Variants in CMPK2 observed in about 807,000 individuals in gnomAD.
The protein encoded by CMPK2 is cytidine/uridine monophosphate kinase 2.
Under a neutral mutation model 33.4 loss-of-function variants are expected in CMPK2, and 32 were observed. That is an observed-to-expected ratio of 0.96 (90% confidence interval 0.72 to 1.29). The LOEUF (loss-of-function observed/expected upper bound fraction) is 1.29. Among genes scored for constraint, CMPK2 ranks in the 50% most tolerant of loss-of-function variants. The pLI, the probability that CMPK2 is intolerant of heterozygous loss-of-function variation, is 0.00. For synonymous variants in CMPK2, 299 were observed against 275.3 expected, an observed-to-expected ratio of 1.09 and a Z score of -0.85; for missense variants, 672 against 616.0, an observed-to-expected ratio of 1.09 and a Z score of -0.96.
intron 3 of CMPK2, among the ~76,000 whole-genome samples, chr2:6,853,246 G>A (rs529300486): frequency 7.2e-5 from 11 of 152,148 alleles, no homozygotes; most frequent in African/African-American, 1.4e-4. Flanking sequence ...TACCATGCCC[G>A]GCCCAATTCT....
chr2:6,855,320 T>TCTGCCC (rs754999091), intron 3 of CMPK2, among the ~76,000 whole-genome samples: 9 of 92,088 alleles, frequency 9.8e-5, no homozygotes, highest in South Asian at 3.9e-4. Flanking sequence ...CGCCTCTGCC[T>TCTGCCC]CTGCCCCTGC....
chr2:6,851,049 AT>A, intron 4 of CMPK2: 2 of 1,042,770 alleles, frequency 1.9e-6, no homozygotes, highest in Middle Eastern at 4.7e-4. Flanking sequence ...CCTCACAAGG[AT>A]GACATAACAT....
chr2:6,846,164 C>A (rs1282535913), downstream of CMPK2, among the ~76,000 whole-genome samples: 1 of 152,100 alleles, frequency 6.6e-6, no homozygotes, highest in Non-Finnish European at 1.5e-5. Flanking sequence ...TCTTTTCAGG[C>A]AAAAGTTAGA....
At chr2:6,864,757 T>G (rs947153494) in intron 1 of CMPK2, among the ~76,000 whole-genome samples, 3 of 152,206 alleles carry the variant, frequency 2.0e-5, no homozygotes, top group African/African-American at 7.2e-5. Flanking sequence ...TTACTCCCTC[T>G]GTACTGCTGT....
downstream of CMPK2, among the ~76,000 whole-genome samples, chr2:6,843,374 C>T (rs1415790456): frequency 6.6e-6 from 1 of 152,158 alleles, no homozygotes; most frequent in African/African-American, 2.4e-5. Context: ...CACTGGGTTT[C>T]TGTACCCCTA....
At chr2:6,844,637 T>A (rs1388275099), downstream of CMPK2, among the ~76,000 whole-genome samples, 1 of 152,194 alleles carries the variant, frequency 6.6e-6, no homozygotes, top group Non-Finnish European at 1.5e-5. Flanking sequence ...TCCCTCCCTA[T>A]TGGTAATAGA....
chr2:6,858,304 C>T (rs976461157), intron 3 of CMPK2, among the ~76,000 whole-genome samples: 3 of 151,860 alleles, frequency 2.0e-5, no homozygotes, highest in African/African-American at 7.3e-5. Flanking sequence ...CGTTTTTTAG[C>T]ACATTACTTT....
chr2:6,845,892 T>C (rs1662347711), downstream of CMPK2, among the ~76,000 whole-genome samples: 1 of 152,114 alleles, frequency 6.6e-6, no homozygotes, highest in Non-Finnish European at 1.5e-5. Flanking sequence ...GCCATTCCTT[T>C]GATGGGGAGA....
chr2:6,841,703 G>A (rs971795235), intron 3 of CMPK2, among the ~76,000 whole-genome samples: 44 of 152,144 alleles, frequency 2.9e-4, no homozygotes, highest in Non-Finnish European at 8.8e-5. Flanking sequence ...GCCTTCAAGT[G>A]TGCTGGGACT....
chr2:6,845,457 C>A (rs1408726364), downstream of CMPK2, among the ~76,000 whole-genome samples: 1 of 151,974 alleles, frequency 6.6e-6, no homozygotes, highest in Non-Finnish European at 1.5e-5. Flanking sequence ...AAAAGGCATT[C>A]CTCTTCTCCT....
chr2:6,850,692 G>A (rs1458871308), intron 4 of CMPK2: 2 of 931,858 alleles, frequency 2.1e-6, no homozygotes, highest in Non-Finnish European at 2.6e-6. Context: ...ATTAATACAA[G>A]TAAATTGCTT....
chr2:6,863,749 TTTTA>T (rs1662956079), intron 1 of CMPK2, among the ~76,000 whole-genome samples, 171 bp from the exon 2 acceptor site: 1 of 152,182 alleles, frequency 6.6e-6, no homozygotes, highest in South Asian at 2.1e-4. Flanking sequence ...GACTGGAGTG[TTTTA>T]TTTTATATTG....
rs1663023794 is a variant in CMPK2, at chr2:6,865,161, A to G, written c.536T>C (p.Val179Ala). The part of the protein sequence containing the change: ...RGQLWQRLWE[V>A]QDGRRLQVGC... ...CACCTGCAGCCGCCTGCCGTCTTGCACCTCCCAGAGGCGCTGCCACAGCTG... is the reference window on the plus strand; with the variant it reads ...CACCTGCAGCCGCCTGCCGTCTTGCGCCTCCCAGAGGCGCTGCCACAGCTG... The change falls in exon 1 of 5, where the codon GTG (valine) becomes GCG (alanine). Residue 179 changes from valine to alanine, a missense_variant. Coordinates refer to ENST00000256722, the MANE Select transcript of CMPK2 (RefSeq NM_207315.4). The G allele has an allele frequency of 1.3e-6, 2 of 1,534,430 alleles. No homozygotes were observed. Among genetic ancestry groups the G allele is most frequent in the Non-Finnish European group, 8.8e-7 (1 of 1,142,494 alleles).
At chr2:6,861,427 C>T (rs371140400) in intron 2 of CMPK2, 42 bp from the exon 3 acceptor site, 14 of 1,480,132 alleles carry the variant, frequency 9.5e-6, no homozygotes, top group Admixed American at 8.7e-5. Context: ...AACCACAGCC[C>T]CAAAGTTAAC....
intron 3 of CMPK2, among the ~76,000 whole-genome samples, chr2:6,843,230 T>C (rs951684610): frequency 6.6e-6 from 1 of 152,172 alleles, no homozygotes; most frequent in Non-Finnish European, 1.5e-5. Flanking sequence ...AGACTTCCTT[T>C]AGGTCCCACA....
intron 3 of CMPK2, among the ~76,000 whole-genome samples, chr2:6,853,563 T>C (rs993297348): frequency 2.0e-5 from 3 of 152,184 alleles, no homozygotes; most frequent in Admixed American, 2.0e-4. Flanking sequence ...CTAATTCTTA[T>C]CAGACACTGG....
At chr2:6,861,639 G>C (rs1662885308) in intron 2 of CMPK2, among the ~76,000 whole-genome samples, 1 of 152,184 alleles carries the variant, frequency 6.6e-6, no homozygotes. Flanking sequence ...TTTTACGTGT[G>C]ACTTTTATTC....
chr2:6,862,126 G>GTT (rs1662899727), intron 2 of CMPK2: 1 of 152,198 alleles, frequency 6.6e-6, no homozygotes, highest in East Asian at 1.9e-4. Context: ...TTATTTTTAA[G>GTT]TTTCTCTATC....
downstream of CMPK2, among the ~76,000 whole-genome samples, chr2:6,844,368 C>G (rs1662305397): frequency 6.6e-6 from 1 of 152,120 alleles, no homozygotes; most frequent in African/African-American, 2.4e-5. Context: ...GGGTAATAAA[C>G]TTGTCTTTTA....
Sources: allele counts gnomAD v4.1 joint callset (sites outside exome capture counted in the v4.1 genomes callset), GRCh38; gene constraint gnomAD v4.1.1; transcripts MANE v1.5; gene names NCBI Gene and HGNC (gene_info 2026-07-23, HGNC 2026-07-21).